The following SPECC1L variants were observed in gnomAD, a reference collection of about 807,000 sequenced individuals.
SPECC1L encodes cytospin-A.
Under a neutral mutation model 116.8 loss-of-function variants are expected in SPECC1L, and 40 were observed. That is an observed-to-expected ratio of 0.34 (90% CI 0.27 to 0.45). SPECC1L has a LOEUF of 0.45. Among genes scored for constraint, SPECC1L ranks in the 20% least tolerant of loss-of-function variants. The probability of loss-of-function intolerance (pLI) is 1.00; values close to 1 mark genes in which losing one functional copy is unlikely to be tolerated. For synonymous variants in SPECC1L, 504 were observed against 500.6 expected, an observed-to-expected ratio of 1.01 and a Z score of -0.09; for missense variants, 1,110 against 1,373.6, an observed-to-expected ratio of 0.81 and a Z score of 3.03.
chr22:24,292,751 T>C (rs2049178671), intron 2 of SPECC1L, among the ~76,000 whole-genome samples: 3 of 152,256 alleles, frequency 2.0e-5, no homozygotes, highest in African/African-American at 4.8e-5. Context: ...GAAGGTGTCG[T>C]AGAGATGCCT....
At chr22:24,336,017 A>C (rs2041047121) in intron 9 of SPECC1L, among the ~76,000 whole-genome samples, 1 of 152,106 alleles carries the variant, frequency 6.6e-6, no homozygotes. Flanking sequence ...CAGAGTTTTC[A>C]GTATAGCATT....
chr22:24,287,213 C>G (rs1159284025), intron 2 of SPECC1L, among the ~76,000 whole-genome samples: 1 of 152,102 alleles, frequency 6.6e-6, no homozygotes, highest in Non-Finnish European at 1.5e-5. Context: ...GAGTGTGTGA[C>G]TATGTGTGCA....
intron 8 of SPECC1L, among the ~76,000 whole-genome samples, chr22:24,333,573 CT>C (rs969915099): frequency 7.6e-6 from 1 of 131,678 alleles, no homozygotes; most frequent in African/African-American, 2.8e-5. Flanking sequence ...TTTTTTTTTT[CT>C]TTGTAGAATT....
intron 14 of SPECC1L, among the ~76,000 whole-genome samples, chr22:24,377,621 T>C (rs559486166): frequency 1.7e-4 from 26 of 152,214 alleles, no homozygotes; most frequent in Non-Finnish European, 3.5e-4. Context: ...CAAGACCCCA[T>C]AGTTTATTGA....
chr22:24,412,290 A>C, intron 15 of SPECC1L: 1 of 380,856 alleles, frequency 2.6e-6, no homozygotes, highest in Non-Finnish European at 5.0e-6. Flanking sequence ...CCAGCCCTGC[A>C]GACAACCCTC....
intron 14 of SPECC1L, among the ~76,000 whole-genome samples, chr22:24,382,017 A>T (rs1601318590): frequency 1.1e-5 from 1 of 93,048 alleles, no homozygotes; most frequent in Admixed American, 1.1e-4. Context: ...ACTAGTCAGT[A>T]AAAAAAAATC....
intron 14 of SPECC1L, among the ~76,000 whole-genome samples, chr22:24,383,148 T>C (rs1367776700): frequency 6.6e-6 from 1 of 152,236 alleles, no homozygotes; most frequent in African/African-American, 2.4e-5. Flanking sequence ...AAATAAAGGT[T>C]GACCAGAAGT....
Position 24,416,478 on chromosome 22 carries a change from T to A in SPECC1L, c.*1855T>A, listed in dbSNP as rs1363200377. 6.6e-6 allele frequency: 1 copy of A among 152,318 alleles called. No individual in the cohort carries two copies. The highest frequency in any genetic ancestry group is 2.4e-5 in the African/African-American group (1 of 41,464). 9.4% of individuals were successfully genotyped at this position (152,318 alleles called of 1,614,324 possible). A position where few individuals can be genotyped will look rare whatever the true frequency, so the allele number is the denominator to read the frequency against. ...CTCTGCTGTTGGCATGAGCCACTGA[T>A]GTTCATGTGAGAATTACTGTTTTTA... On this transcript the variant is annotated 3_prime_UTR_variant, in exon 17 of 17. Coordinates refer to ENST00000314328, the MANE Select transcript of SPECC1L (RefSeq NM_015330.6).
intron 14 of SPECC1L, among the ~76,000 whole-genome samples, chr22:24,369,827 T>C (rs1393929350): frequency 6.6e-6 from 1 of 152,248 alleles, no homozygotes; most frequent in Non-Finnish European, 1.5e-5. Flanking sequence ...AAATGCTTTT[T>C]TTAAGTTACG....
chr22:24,310,429 T>G (rs2040440281), intron 3 of SPECC1L, among the ~76,000 whole-genome samples: 1 of 152,260 alleles, frequency 6.6e-6, no homozygotes, highest in Admixed American at 6.5e-5. Flanking sequence ...TTGTTAGATA[T>G]TGCATGATTC....
intron 14 of SPECC1L, among the ~76,000 whole-genome samples, chr22:24,381,229 G>A (rs2042056335): frequency 6.6e-6 from 1 of 152,132 alleles, no homozygotes; most frequent in African/African-American, 2.4e-5. Context: ...GCCCCCAAAG[G>A]TTGATTTGAG....
chr22:24,274,246 C>A (rs1454489577), intron 1 of SPECC1L, among the ~76,000 whole-genome samples: 1 of 152,130 alleles, frequency 6.6e-6, no homozygotes, highest in Non-Finnish European at 1.5e-5. Context: ...AGGAAAGTAG[C>A]CTTAAACAAC....
intron 14 of SPECC1L, among the ~76,000 whole-genome samples, chr22:24,388,336 G>GT (rs1169041601): frequency 6.8e-4 from 94 of 138,392 alleles, no homozygotes; most frequent in Admixed American, 1.4e-3. Context: ...TGCAGTGTTT[G>GT]TTTTTTTTTT....
At chr22:24,271,214 C>T (rs1481274384) in intron 1 of SPECC1L, among the ~76,000 whole-genome samples, 1 of 152,256 alleles carries the variant, frequency 6.6e-6, no homozygotes, top group Non-Finnish European at 1.5e-5. Context: ...GCTTCGCCGC[C>T]GAGACCCACT....
intron 4 of SPECC1L, among the ~76,000 whole-genome samples, chr22:24,316,323 C>A (rs992262001): frequency 2.7e-5 from 4 of 148,684 alleles, no homozygotes; most frequent in South Asian, 2.1e-4. Flanking sequence ...GTGTTTCTCG[C>A]AGAGGGGGAT....
intron 10 of SPECC1L, among the ~76,000 whole-genome samples, chr22:24,339,041 C>T (rs2041119824): frequency 1.3e-5 from 2 of 152,178 alleles, no homozygotes; most frequent in Non-Finnish European, 2.9e-5. Context: ...TGTTAGTTTT[C>T]ACATTTCTCT....
intron 1 of SPECC1L, among the ~76,000 whole-genome samples, chr22:24,272,321 C>T (rs1312323563): frequency 1.3e-5 from 2 of 152,088 alleles, no homozygotes; most frequent in African/African-American, 2.4e-5. Flanking sequence ...GCCGAGTTCG[C>T]GCCACTGTAC....
intron 12 of SPECC1L, among the ~76,000 whole-genome samples, 175 bp from the exon 13 acceptor site, chr22:24,365,301 C>A (rs2041736921): frequency 6.6e-6 from 1 of 152,130 alleles, no homozygotes; most frequent in East Asian, 1.9e-4. Flanking sequence ...AGCCACTGCA[C>A]CTGGCCTCAC....
rs143201291 is a variant in SPECC1L, at chr22:24,388,850, C to A, written c.3087+19530C>A. 2.5e-3 allele frequency among the ~76,000 whole-genome samples: 379 copies of A among 152,264 alleles called. 1 individual carries two copies. Among genetic ancestry groups the A allele is most frequent in the African/African-American group, 8.3e-3 (344 of 41,554 alleles). On this transcript the variant is annotated intron_variant, in intron 14 of 16. Transcript: ENST00000314328. ...AGTTGTGTTATTTTTTTTACAACTC[C>A]CGTACCATACAACTCACCAAGTTGG...
Sources: gnomAD v4.1 joint callset for allele counts (sites outside exome capture counted in the v4.1 genomes callset) on GRCh38, gnomAD v4.1.1 for gene constraint, MANE v1.5 for transcripts, NCBI Gene and HGNC (gene_info 2026-07-23, HGNC 2026-07-21) for gene names.